KIF13A: variants seen among roughly 807,000 people sequenced by gnomAD.
KIF13A encodes the protein kinesin family member 13A, also known as kinesin-like protein KIF13A.
In KIF13A, 79 loss-of-function variants were observed where a neutral mutation model predicts 212.2. The ratio of observed to expected loss-of-function variants is 0.37; its 90% CI spans 0.31 to 0.45. KIF13A has a LOEUF of 0.45. Among genes scored for constraint, KIF13A ranks in the 20% least tolerant of loss-of-function variants. The pLI, the probability that KIF13A is intolerant of heterozygous loss-of-function variation, is 1.00. For synonymous variants in KIF13A, 789 were observed against 808.6 expected (o/e 0.98, Z 0.41); for missense variants, 1,901 against 2,209.0 (o/e 0.86, Z 2.79).
intron 16 of KIF13A, among the ~76,000 whole-genome samples, chr6:17,817,944 C>T (rs755215144): frequency 9.2e-5 from 14 of 152,136 alleles, no homozygotes; most frequent in Non-Finnish European, 1.8e-4. Flanking sequence ...AATGAGCTAC[C>T]ATGATGGTTG....
In KIF13A at chr6:17,900,171, C is replaced by T. The variant is rs111714905; in HGVS notation, c.147-1991G>A. On this transcript the variant is annotated intron_variant, in intron 2 of 38. Coordinates refer to ENST00000259711, the MANE Select transcript of KIF13A (RefSeq NM_022113.6). This position sits in a 1 kb window ranked among gnomAD's most constrained non-coding sequence, Gnocchi z 4.6. The stretch of plus-strand genomic sequence containing the variant: ...TGTTATGATGAACCCAGTAACCCAA[C>T]GGGGCTGGGACAGACTAGGGGAATC... Among the ~76,000 whole-genome samples, 5 of 152,146 alleles carry T rather than the reference C, an allele frequency of 3.3e-5. No individual in the cohort carries two copies. The highest frequency in any genetic ancestry group is 7.2e-5 in the African/African-American group (3 of 41,416).
chr6:17,924,486 C>T (rs1292345317), intron 2 of KIF13A, among the ~76,000 whole-genome samples: 1 of 152,116 alleles, frequency 6.6e-6, no homozygotes, highest in East Asian at 1.9e-4. Context: ...AATAAAAGTG[C>T]TTCTATAAGT....
At chr6:17,980,174 A>G (rs1466339205) in intron 2 of KIF13A, among the ~76,000 whole-genome samples, 2 of 152,260 alleles carry the variant, frequency 1.3e-5, no homozygotes, top group African/African-American at 4.8e-5. Context: ...AGGATTAGAA[A>G]CCCAAATAAC....
intron 2 of KIF13A, among the ~76,000 whole-genome samples, chr6:17,910,760 G>A (rs1345033645): frequency 1.3e-5 from 2 of 151,916 alleles, no homozygotes; most frequent in Non-Finnish European, 2.9e-5. Context: ...GGTTTTTTTT[G>A]GTTGTCGTTG....
At chr6:17,866,828 CATATATAT>C (rs60217235) in intron 4 of KIF13A, among the ~76,000 whole-genome samples, 614 of 22,762 alleles carry the variant, frequency 0.027, 7 homozygotes, top group East Asian at 0.087. Context: ...AAAAGCAGCG[CATATATAT>C]ATATATATAT....
intron 6 of KIF13A, among the ~76,000 whole-genome samples, chr6:17,853,093 A>G (rs1231101040): frequency 6.6e-6 from 1 of 152,216 alleles, no homozygotes; most frequent in Non-Finnish European, 1.5e-5. Flanking sequence ...AATATATGGG[A>G]AAAAGGAGCT....
chr6:17,796,704 A>C lies in KIF13A; in HGVS notation c.2907T>G (p.Asp969Glu). ...AGNGSSIWEVDSLHAKTRTLH... is the reference protein window; with the variant it reads ...AGNGSSIWEVESLHAKTRTLH... Reference sequence around the variant, plus strand: ...GTGTTCTTGTCTTAGCATGAAGAGAATCGACCTCCCAGATGGAGCTGCCAT... The same window carrying C: ...GTGTTCTTGTCTTAGCATGAAGAGACTCGACCTCCCAGATGGAGCTGCCAT... The change falls in exon 23 of 39, where the codon GAT becomes GAG. Residue 969 changes from aspartate (D) to glutamate (E), a missense_variant. By Grantham distance (45) the Asp-to-Glu change is conservative. Around this residue, in one of 5 missense-constraint regions of KIF13A, gnomAD observed 534 missense variants for 536.9 expected, o/e 0.99. Transcript: ENST00000259711. 1 of 1,583,618 alleles carries C rather than the reference A, an allele frequency of 6.3e-7. No individual in the cohort carries two copies. The highest frequency in any genetic ancestry group is 1.8e-5 in the Admixed American group (1 of 56,616).
Position 17,987,291 on chromosome 6 carries a change from C to A in KIF13A, c.55+118G>T. On this transcript the variant is annotated intron_variant, in intron 1 of 38. Transcript: ENST00000259711. The surrounding 1 kb of genome is among the most constrained non-coding windows in gnomAD (Gnocchi z 7.7). ...CGGGCACCACGGCCAGCGCGGACGC[C>A]GCCTCCGCCCCGGCCCCCCGGCCCC... 1.2e-6 allele frequency: 1 copy of A among 861,596 alleles called. No individual in the cohort carries two copies. The highest frequency in any genetic ancestry group is 1.5e-6 in the Non-Finnish European group (1 of 667,390). 53.4% of individuals were successfully genotyped at this position (861,596 alleles called of 1,614,324 possible).
At chr6:17,981,100 GA>G (rs2150640111) in intron 2 of KIF13A, among the ~76,000 whole-genome samples, 1 of 148,784 alleles carries the variant, frequency 6.7e-6, no homozygotes, top group African/African-American at 2.5e-5. Context: ...TACAGGTTAA[GA>G]AAAAAACAAA....
intron 34 of KIF13A, among the ~76,000 whole-genome samples, chr6:17,775,953 C>T (rs572476997): frequency 2.0e-5 from 3 of 152,140 alleles, no homozygotes; most frequent in East Asian, 1.9e-4. Context: ...GCAATCTCGG[C>T]GCACCGCAAT....
At position 17,799,937 on chromosome 6, in the gene KIF13A, T is replaced by A. The variant is rs753194195; in HGVS notation, c.2616+15A>T. ...AAAGGTCATTTATATGAGCCTCCCATCACTGTCCTCTCACCCGACATGTCA... is the reference window on the plus strand; with the variant it reads ...AAAGGTCATTTATATGAGCCTCCCAACACTGTCCTCTCACCCGACATGTCA... On this transcript the variant is annotated intron_variant, in intron 21 of 38. Coordinates refer to ENST00000259711, the MANE Select transcript of KIF13A (RefSeq NM_022113.6). This position sits in a 1 kb window ranked among gnomAD's most constrained non-coding sequence, Gnocchi z 4.4. 3.1e-6 allele frequency: 5 copies of A among 1,612,484 alleles called. No individual in the cohort carries two copies. The highest frequency in any genetic ancestry group is 1.7e-5 in the Admixed American group (1 of 59,802).
In KIF13A at chr6:17,773,449, A is replaced by G; in HGVS notation, c.4324+29T>C. Reference sequence around the variant, plus strand: ...ACTTTTTCTAAGTAATTACAAAGAAATATCACTGCAAAATAATCTCACCAC... The same window carrying G: ...ACTTTTTCTAAGTAATTACAAAGAAGTATCACTGCAAAATAATCTCACCAC... On this transcript the variant is annotated intron_variant, in intron 36 of 38. Transcript: ENST00000259711. This position sits in a 1 kb window ranked among gnomAD's most constrained non-coding sequence, Gnocchi z 4.2. 7.8e-7 allele frequency: 1 copy of G among 1,289,218 alleles called. No individual in the cohort carries two copies. The highest frequency in any genetic ancestry group is 1.1e-6 in the Non-Finnish European group (1 of 890,542). 79.9% of individuals were successfully genotyped at this position (1,289,218 alleles called of 1,614,324 possible). A position where few individuals can be genotyped will look rare whatever the true frequency, so the allele number is the denominator to read the frequency against.
At chr6:17,784,155 C>T (rs757565177) in intron 28 of KIF13A, among the ~76,000 whole-genome samples, 5 of 152,216 alleles carry the variant, frequency 3.3e-5, no homozygotes, top group Admixed American at 6.5e-5. Flanking sequence ...CATGGTGGCT[C>T]ATGCCTGTAA....
intron 2 of KIF13A, among the ~76,000 whole-genome samples, chr6:17,948,860 C>G (rs777700961): frequency 6.6e-6 from 1 of 152,108 alleles, no homozygotes; most frequent in Non-Finnish European, 1.5e-5. Context: ...GCCACCTCGC[C>G]TGGCCCAAAC....
chr6:17,775,141 G>T, intron 34 of KIF13A, 79 bp from the exon 35 acceptor site: 1 of 1,179,926 alleles, frequency 8.5e-7, no homozygotes, highest in Non-Finnish European at 1.2e-6. Context: ...GAAACAGAAT[G>T]TCACAGTTGA....
intron 3 of KIF13A, among the ~76,000 whole-genome samples, chr6:17,894,364 C>T (rs1772367065): frequency 6.6e-6 from 1 of 152,192 alleles, no homozygotes; most frequent in Non-Finnish European, 1.5e-5. Flanking sequence ...AACAATCCTC[C>T]CACCTTGGCT....
chr6:17,810,364 A>G (rs1763327407), intron 17 of KIF13A, among the ~76,000 whole-genome samples: 1 of 152,144 alleles, frequency 6.6e-6, no homozygotes, highest in South Asian at 2.1e-4. Context: ...CTCTTCTCCC[A>G]TAAAATAAAT....
intron 31 of KIF13A, among the ~76,000 whole-genome samples, 167 bp from the exon 32 acceptor site, chr6:17,779,851 T>C (rs1760384744): frequency 6.6e-6 from 1 of 151,508 alleles, no homozygotes; most frequent in Admixed American, 6.6e-5. Context: ...CACCATTCTC[T>C]TGCCTCAGCC....
Position 17,953,143 on chromosome 6 carries a change from T to C in KIF13A, c.146+33911A>G, listed in dbSNP as rs147484739. Among the ~76,000 whole-genome samples, 22 of 152,196 alleles carry C rather than the reference T, an allele frequency of 1.4e-4. 1 individual carries two copies. Among genetic ancestry groups the C allele is most frequent in the African/African-American group, 5.3e-4 (22 of 41,518 alleles). On this transcript the variant is annotated intron_variant, in intron 2 of 38. Coordinates refer to ENST00000259711, the MANE Select transcript of KIF13A (RefSeq NM_022113.6). ...TATCATTCATCCATATAATATAATA[T>C]AGCAATTAAAAAGAACGAGGTAGAC...
Sources: gnomAD v4.1 joint callset for allele counts (sites outside exome capture counted in the v4.1 genomes callset) on GRCh38, gnomAD v4.1.1 for gene constraint, gnomAD v4.1.1 regional missense constraint, Gnocchi (gnomAD v3.1) non-coding constraint, MANE v1.5 for transcripts, NCBI Gene and HGNC (gene_info 2026-07-23, HGNC 2026-07-21) for gene names.